PRAMEF4: variants seen among roughly 807,000 people sequenced by gnomAD.
PRAMEF4 encodes the protein RP5-845O24.6.
PRAMEF4 carries 18 observed loss-of-function variants against 34.4 expected under a neutral mutation model. The observed-to-expected ratio is 0.52, with a 90% confidence interval of 0.36 to 0.78. PRAMEF4 has a LOEUF of 0.78. PRAMEF4 is among the 30% of genes least tolerant of loss of function. The pLI, the probability that PRAMEF4 is intolerant of heterozygous loss-of-function variation, is 0.00. For synonymous variants in PRAMEF4, 156 were observed against 219.3 expected (o/e 0.71, Z 2.55); for missense variants, 482 against 569.1 (o/e 0.85, Z 1.56).
chr1:12,882,950 C>A, intron 2 of PRAMEF4, 152 bp downstream of exon 2: 1 of 1,127,154 alleles, frequency 8.9e-7, no homozygotes. Flanking sequence ...GCGTGGTGAG[C>A]AGTGCTTTCC....
chr1:12,883,074 C>T (rs370198268), intron 2 of PRAMEF4, 28 bp downstream of exon 2: 1 of 1,599,348 alleles, frequency 6.3e-7, no homozygotes. Flanking sequence ...CCTGGGCCCT[C>T]CCCACCAGCC....
At position 12,884,120 on chromosome 1, in the gene PRAMEF4, T is replaced by C. The variant is rs5029850; in HGVS notation, c.-16-710A>G. Among the ~76,000 whole-genome samples, 16 of 145,332 alleles carry C rather than the reference T, an allele frequency of 1.1e-4. 3 individuals are homozygous for C. The highest frequency in any genetic ancestry group is 2.3e-4 in the African/African-American group (9 of 38,796). On this transcript the variant is annotated intron_variant, in intron 1 of 3. Transcript: ENST00000235349. The stretch of plus-strand genomic sequence containing the variant: ...ACCTCCCAGCTCAAAGGATTCTTCC[T>C]CCTCAGCCTCCCAAGTAGCTCGGAC...
chr1:12,882,829 C>G (rs1194363654), intron 2 of PRAMEF4, among the ~76,000 whole-genome samples: 3 of 147,708 alleles, frequency 2.0e-5, no homozygotes, highest in African/African-American at 7.7e-5. Context: ...ACCTCAGCCT[C>G]CCAATGTGCT....
intron 3 of PRAMEF4, among the ~76,000 whole-genome samples, chr1:12,881,031 A>G (rs2100420427): frequency 6.7e-6 from 1 of 148,218 alleles, no homozygotes; most frequent in Non-Finnish European, 1.5e-5. Context: ...TCCCCTCTTC[A>G]GTGCCCACTT....
In PRAMEF4 at chr1:12,883,513, G is replaced by C. The variant is rs570902780; in HGVS notation, c.-16-103C>G. The C allele has an allele frequency of 2.5e-5, 36 of 1,450,244 alleles. 2 individuals are homozygous for C. Among genetic ancestry groups the C allele is most frequent in the Middle Eastern group, 2.5e-4 (1 of 3,990 alleles). 89.8% of individuals were successfully genotyped at this position (1,450,244 alleles called of 1,614,324 possible). A position where few individuals can be genotyped will look rare whatever the true frequency, so the allele number is the denominator to read the frequency against. On this transcript the variant is annotated intron_variant, in intron 1 of 3. Coordinates refer to ENST00000235349, the MANE Select transcript of PRAMEF4 (RefSeq NM_001009611.4). The stretch of plus-strand genomic sequence containing the variant: ...ACTCACTGCTCTGGCAATGGTGAAA[G>C]AGTCCTCAGTTTACTCCAATTCTAC...
Position 12,879,788 on chromosome 1 carries a change from T to C in PRAMEF4, c.1193A>G (p.Glu398Gly), listed in dbSNP as rs1248506211. Residue 398 changes from glutamate to glycine, a missense_variant, in exon 4 of 4, where the codon GAG (glutamate) becomes GGG (glycine). Physicochemically the swap from Glu to Gly is moderately conservative, Grantham distance 98. Transcript: ENST00000235349. Reference sequence around the variant, plus strand: ...TATGATTGTGTGGCTCAGCAGGTTCTCCAGGGTGGCCATGCAGATGGGATT... The same window carrying C: ...TATGATTGTGTGGCTCAGCAGGTTCCCCAGGGTGGCCATGCAGATGGGATT... ...CGNPICMATL[E>G]NLLSHTIILK... 1 of 1,601,518 alleles carries C rather than the reference T, an allele frequency of 6.2e-7. No homozygotes were observed. The highest frequency in any genetic ancestry group is 8.5e-7 in the Non-Finnish European group (1 of 1,174,680).
Position 12,883,754 on chromosome 1 carries a change from A to G in PRAMEF4, c.-16-344T>C, listed in dbSNP as rs28593276. Among the ~76,000 whole-genome samples, 193 of 144,036 alleles carry G rather than the reference A, an allele frequency of 1.3e-3. 5 individuals are homozygous for G. Among genetic ancestry groups the G allele is most frequent in the East Asian group, 2.9e-3 (13 of 4,528 alleles). 94.5% of individuals were successfully genotyped at this position (144,036 alleles called of 152,430 possible). ...AGGTTCTAAAACAATGGGAATGGGA[A>G]TGTCACAAGCCTACATGCCCACATT... On this transcript the variant is annotated intron_variant, in intron 1 of 3. Coordinates refer to ENST00000235349, the MANE Select transcript of PRAMEF4 (RefSeq NM_001009611.4).
intron 1 of PRAMEF4, among the ~76,000 whole-genome samples, chr1:12,884,560 C>T (rs558450753): frequency 2.7e-5 from 4 of 146,786 alleles, no homozygotes; most frequent in Non-Finnish European, 6.0e-5. Context: ...ACTAAGACAG[C>T]AAAAATTAGC....
Position 12,880,249 on chromosome 1 carries a change from T to G in PRAMEF4, c.876-144A>C, listed in dbSNP as rs569802576. 406 of 1,435,962 alleles carry G rather than the reference T, an allele frequency of 2.8e-4. 3 individuals carry two copies. The highest frequency in any genetic ancestry group is 2.1e-3 in the South Asian group (165 of 77,986). 89.0% of individuals were successfully genotyped at this position (1,435,962 alleles called of 1,614,324 possible). A position where few individuals can be genotyped will look rare whatever the true frequency, so the allele number is the denominator to read the frequency against. On this transcript the variant is annotated intron_variant, in intron 3 of 3. Transcript: ENST00000235349. ...ATGGCCTGATGGTCAACACTTAGGATGATGTGTGATGAAGAGCTTTGCCAC... is the reference window on the plus strand; with the variant it reads ...ATGGCCTGATGGTCAACACTTAGGAGGATGTGTGATGAAGAGCTTTGCCAC...
chr1:12,882,203 T>A lies in PRAMEF4; in HGVS notation c.526A>T (p.Arg176Trp), dbSNP rs373200253. 33 of 1,586,380 alleles carry A rather than the reference T, an allele frequency of 2.1e-5. No individual in the cohort carries two copies. In the African/African-American group the frequency reaches 4.5e-4, roughly 21 times the overall value. ...LTCLLLWVKQRKDLLHLCCKK... is the reference protein window; with the variant it reads ...LTCLLLWVKQWKDLLHLCCKK... Reference sequence around the variant, plus strand: ...CAGCACAGGTGTAGTAAATCTTTCCTCTGCTTGACCCATAGAAGGAGGCAG... The same window carrying A: ...CAGCACAGGTGTAGTAAATCTTTCCACTGCTTGACCCATAGAAGGAGGCAG... Residue 176 changes from arginine to tryptophan, a missense_variant, in exon 3 of 4, where the codon AGG becomes TGG. By Grantham distance (101) the Arg-to-Trp change is moderately radical. Around this residue, in one of 6 missense-constraint regions of PRAMEF4, gnomAD observed 72 missense variants for 128.9 expected, o/e 0.56. Coordinates refer to ENST00000235349, the MANE Select transcript of PRAMEF4 (RefSeq NM_001009611.4).
Position 12,879,620 on chromosome 1 carries a change from A to G in PRAMEF4, c.1361T>C (p.Leu454Ser), listed in dbSNP as rs1640845370. Residue 454 changes from leucine to serine, a missense_variant, in exon 4 of 4, where the codon TTG (leucine) becomes TCG (serine). By Grantham distance (145) the Leu-to-Ser change is moderately radical. Around this residue, in one of 6 missense-constraint regions of PRAMEF4, gnomAD observed 116 missense variants for 105.2 expected, o/e 1.10. Coordinates refer to ENST00000235349, the MANE Select transcript of PRAMEF4 (RefSeq NM_001009611.4). ...GTCAGGGCAGTAGTCAGTACAGAAC[A>G]AGATCCTCTTGGGGTGCCTTAAGTC... The part of the protein sequence containing the change: ...VRDLRHPKRI[L>S]FCTDYCPDCG... 6.3e-7 allele frequency: 1 copy of G among 1,596,564 alleles called. No individual in the cohort carries two copies. Among genetic ancestry groups the G allele is most frequent in the Non-Finnish European group, 8.5e-7 (1 of 1,171,924 alleles).
At chr1:12,882,998 C>G in intron 2 of PRAMEF4, 104 bp downstream of exon 2, 6 of 1,519,446 alleles carry the variant, frequency 3.9e-6, no homozygotes, top group Non-Finnish European at 5.4e-6. Flanking sequence ...TCTCGGCTTC[C>G]TCACCACCAC....
intron 1 of PRAMEF4, among the ~76,000 whole-genome samples, chr1:12,883,616 A>G (rs1237914866): frequency 6.7e-6 from 1 of 148,424 alleles, no homozygotes; most frequent in Non-Finnish European, 1.5e-5. Flanking sequence ...GTGAGGAAGC[A>G]GGGCCACCAC....
rs767396158 is a variant in PRAMEF4 at position 12,881,923 on chromosome 1, A to G, written c.806T>C (p.Leu269Pro). The G allele has an allele frequency of 4.4e-6, 7 of 1,593,232 alleles. No homozygotes were observed. The highest frequency in any genetic ancestry group is 1.4e-5 in the African/African-American group (1 of 72,110). Residue 269 changes from leucine to proline, a missense_variant, in exon 3 of 4, where the codon CTG becomes CCG. By Grantham distance (98) the Leu-to-Pro change is moderately conservative. Transcript: ENST00000235349. ...VTQFTTQFLK[L>P]RCLQKLYMNS... is the part of the protein sequence containing the mutation. ...CATATAAAGCTTTTGGAGGCAGCGC[A>G]GCTTGAGGAACTGAGTGGTGAACTG... is the stretch of plus-strand genomic sequence containing the variant.
rs372928693 is a variant in PRAMEF4, at chr1:12,882,538, C to G, written c.294-103G>C. On this transcript the variant is annotated intron_variant, in intron 2 of 3. Transcript: ENST00000235349. ...CCTCCCCTCCCTGCTTCTTGTCCCT[C>G]TCTCTGACTTTTCTTCACTCTGTTT... 83 of 1,498,536 alleles carry G rather than the reference C, an allele frequency of 5.5e-5. 3 individuals carry two copies. Among genetic ancestry groups the G allele is most frequent in the African/African-American group, 5.2e-4 (37 of 70,562 alleles). The allele number at this position is 1,498,536 out of a possible 1,614,324, so 92.8% of individuals were successfully genotyped here.
At chr1:12,883,441 T>C in intron 1 of PRAMEF4, 31 bp from the exon 2 acceptor site, 1 of 1,600,256 alleles carries the variant, frequency 6.2e-7, no homozygotes. Context: ...AGAAAAGGCA[T>C]CTCTCTCGGG....
At position 12,879,919 on chromosome 1, in the gene PRAMEF4, AAG is replaced by A; in HGVS notation, c.1060_1061del (p.Leu354Ter). On this transcript the variant is annotated frameshift_variant, in exon 4 of 4. Transcript: ENST00000235349. LOFTEE classifies it high-confidence loss of function. ...QILLEKVAAT[L>X]EYLDLDDCGI... The stretch of plus-strand genomic sequence containing the variant: ...CACAGTCATCTAAATCCAGGTACTC[AAG>A]GGTGGCTGCAACTTTTTCTAGGAGA... The A allele has an allele frequency of 2.5e-6, 4 of 1,605,152 alleles. No individual in the cohort carries two copies. The highest frequency in any genetic ancestry group is 3.4e-6 in the Non-Finnish European group (4 of 1,176,810).
chr1:12,880,384 T>G (rs1164873550), intron 3 of PRAMEF4, among the ~76,000 whole-genome samples: 1 of 150,532 alleles, frequency 6.6e-6, no homozygotes, highest in African/African-American at 2.5e-5. Flanking sequence ...GAGACCAGCC[T>G]GCTGAACATG....
rs138216553 is a variant in PRAMEF4 at position 12,881,007 on chromosome 1, G to T, written c.875+847C>A. Among the ~76,000 whole-genome samples the T allele has an allele frequency of 2.0e-3, 299 of 148,054 alleles. 16 individuals carry two copies. Among genetic ancestry groups the T allele is most frequent in the Middle Eastern group, 3.5e-3 (1 of 288 alleles). ...CAAAGCTGATTTTCTGACAAGTGCAGGTTTGCTGAACATTCCCCTCTTCAG... is the reference window on the plus strand; with the variant it reads ...CAAAGCTGATTTTCTGACAAGTGCATGTTTGCTGAACATTCCCCTCTTCAG... On this transcript the variant is annotated intron_variant, in intron 3 of 3. Transcript: ENST00000235349.
Sources: gnomAD v4.1 joint callset for allele counts (sites outside exome capture counted in the v4.1 genomes callset) on GRCh38, gnomAD v4.1.1 for gene constraint, gnomAD v4.1.1 regional missense constraint, MANE v1.5 for transcripts, NCBI Gene and HGNC (gene_info 2026-07-23, HGNC 2026-07-21) for gene names.